The following MPRIP variants were observed in gnomAD, a reference collection of about 807,000 sequenced individuals.
The protein encoded by MPRIP is myosin phosphatase Rho interacting protein, also known as myosin phosphatase Rho-interacting protein.
A neutral mutation model predicts 234.9 loss-of-function variants in MPRIP; 59 were observed. The ratio of observed to expected loss-of-function variants is 0.25; its 90% confidence interval spans 0.20 to 0.31. The LOEUF (loss-of-function observed/expected upper bound fraction) is 0.31. Ranked by LOEUF, MPRIP falls within the 10% of genes least tolerant of loss-of-function variation. The pLI is 1.00. For missense variants in MPRIP, 2,436 were observed against 3,071.0 expected (o/e 0.79, Z 4.89); for synonymous variants, 1,144 against 1,263.9 (o/e 0.91, Z 2.01).
At chr17:17,055,941 G>A (rs933972018) in intron 1 of MPRIP, among the ~76,000 whole-genome samples, 32 of 152,318 alleles carry the variant, frequency 2.1e-4, no homozygotes, top group African/African-American at 7.7e-4. Context: ...TTAAGAGAAG[G>A]GTAGAGAGAG....
intron 4 of MPRIP, among the ~76,000 whole-genome samples, chr17:17,127,995 C>T (rs1013709575): frequency 1.3e-5 from 2 of 152,144 alleles, no homozygotes; most frequent in South Asian, 4.1e-4. Context: ...CACCTGGAGC[C>T]GAGCTGGAGG....
At position 17,165,250 on chromosome 17, in the gene MPRIP, C is replaced by T. The variant is rs1036940683; in HGVS notation, c.3659C>T (p.Ala1220Val). 1.5e-6 allele frequency: 2 copies of T among 1,304,094 alleles called. No individual in the cohort carries two copies. The highest frequency in any genetic ancestry group is 2.3e-5 in the Admixed American group (1 of 43,568). The allele number at this position is 1,304,094 out of a possible 1,614,324, so 80.8% of individuals were successfully genotyped here. A position where few individuals can be genotyped will look rare whatever the true frequency, so the allele number is the denominator to read the frequency against. The change falls in exon 16 of 24, where the codon GCA becomes GTA. Residue 1220 changes from alanine (A) to valine (V), a missense_variant. Around this residue, in one of 4 missense-constraint regions of MPRIP, gnomAD observed 1,998 missense variants for 2,520.3 expected, o/e 0.79. Transcript: ENST00000651222. ...QAKEEILRKF[A>V]SESPKDMEEP... ...AAAGAAGAGATTTTAAGGAAATTTG[C>T]AAGTGAATCTCCAAAGGACATGGAA... is the stretch of plus-strand genomic sequence containing the variant.
In MPRIP at chr17:17,138,132, G is replaced by A; in HGVS notation, c.953G>A (p.Gly318Asp). 7.0e-7 allele frequency: 1 copy of A among 1,432,454 alleles called. No individual in the cohort carries two copies. The highest frequency in any genetic ancestry group is 2.5e-5 in the East Asian group (1 of 40,028). 88.7% of individuals were successfully genotyped at this position (1,432,454 alleles called of 1,614,324 possible). A position where few individuals can be genotyped will look rare whatever the true frequency, so the allele number is the denominator to read the frequency against. The change falls in exon 7 of 24, where the codon GGT (glycine) becomes GAT (aspartate). Residue 318 changes from glycine to aspartate, a missense_variant. Transcript: ENST00000651222. The surrounding 1 kb of genome is among the most constrained non-coding windows in gnomAD (Gnocchi z 5.8). ...CTCGGTGGTCCTCTTCCTTCCCCAG[G>A]TCCTCGACTCCCCCACCAAATGGTC... ...QELGGPLPSPGPRLPHQMVCS... is the reference protein window; with the variant it reads ...QELGGPLPSPDPRLPHQMVCS...
At chr17:17,147,290 C>G (rs758709846) in intron 10 of MPRIP, 29 bp from the exon 11 acceptor site, 1 of 1,609,244 alleles carries the variant, frequency 6.2e-7, no homozygotes, top group African/African-American at 1.3e-5. Flanking sequence ...AGTTGGTAGT[C>G]GAGTCATTTT....
chr17:17,178,859 C>CA (rs2144700215), intron 22 of MPRIP: 1 of 151,800 alleles, frequency 6.6e-6, no homozygotes, highest in East Asian at 1.9e-4. Context: ...GTGGAAATGG[C>CA]AGTGAGCCAT....
chr17:17,110,299 G>A lies in MPRIP; in HGVS notation c.268-16403G>A, dbSNP rs992907418. Reference sequence around the variant, plus strand: ...ACTTTCCAGCCATCCAGAATTGTGAGCCAAATAACCCTCTTTTTCTTTATA... The same window carrying A: ...ACTTTCCAGCCATCCAGAATTGTGAACCAAATAACCCTCTTTTTCTTTATA... On this transcript the variant is annotated intron_variant, in intron 3 of 23. Coordinates refer to ENST00000651222, the MANE Select transcript of MPRIP (RefSeq NM_001364716.4). 4.6e-5 allele frequency among the ~76,000 whole-genome samples: 7 copies of A among 152,246 alleles called. No homozygotes were observed. In the South Asian group the frequency reaches 8.3e-4, roughly 18 times the overall value.
In MPRIP at chr17:17,158,766, G is replaced by T; in HGVS notation, c.2164G>T (p.Gly722Trp). The T allele has an allele frequency of 6.2e-7, 1 of 1,611,668 alleles. No individual in the cohort carries two copies. The highest frequency in any genetic ancestry group is 8.5e-7 in the Non-Finnish European group (1 of 1,179,886). Residue 722 changes from glycine (G) to tryptophan (W), a missense_variant, in exon 14 of 24, where the codon GGG becomes TGG. Gly to Trp is a radical substitution (Grantham distance 184). Transcript: ENST00000651222. Reference protein sequence around the residue: ...KRFGMLDATDGPGTEDAALRM... With the variant: ...KRFGMLDATDWPGTEDAALRM... ...CTTCGGGATGCTCGACGCCACAGAC[G>T]GGCCAGGCACTGAGGATGCAGCCCT...
chr17:17,159,284 C>A (rs2045810460), intron 14 of MPRIP, among the ~76,000 whole-genome samples: 1 of 152,242 alleles, frequency 6.6e-6, no homozygotes, highest in African/African-American at 2.4e-5. Context: ...AGCGGCGTTG[C>A]AGGGCCTAGA....
At chr17:17,097,775 A>C (rs2089878777) in intron 3 of MPRIP, among the ~76,000 whole-genome samples, 1 of 152,190 alleles carries the variant, frequency 6.6e-6, no homozygotes, top group Non-Finnish European at 1.5e-5. Context: ...GGAGGCACCC[A>C]GGGTCTCTCA....
At chr17:17,095,753 C>G (rs2089823911) in intron 3 of MPRIP, among the ~76,000 whole-genome samples, 1 of 152,118 alleles carries the variant, frequency 6.6e-6, no homozygotes, top group African/African-American at 2.4e-5. Flanking sequence ...TGTACGGGTG[C>G]TGATCAGTTC....
At chr17:17,082,344 G>A (rs543955496) in intron 3 of MPRIP, among the ~76,000 whole-genome samples, 3 of 126,882 alleles carry the variant, frequency 2.4e-5, no homozygotes, top group Non-Finnish European at 4.6e-5. Flanking sequence ...TGCCCAGGCT[G>A]GAGTGCAATG....
intron 1 of MPRIP, among the ~76,000 whole-genome samples, chr17:17,053,227 C>T (rs983389895): frequency 2.6e-5 from 4 of 151,998 alleles, no homozygotes; most frequent in Non-Finnish European, 4.4e-5. Flanking sequence ...GGAATGGTGG[C>T]GAGCCCAGAT....
At chr17:17,153,667 A>T (rs1404411682) in intron 12 of MPRIP, among the ~76,000 whole-genome samples, 1 of 151,242 alleles carries the variant, frequency 6.6e-6, no homozygotes, top group African/African-American at 2.4e-5. Context: ...CAACCCAACC[A>T]GCCAGACGCT....
At chr17:17,075,667 G>C in intron 1 of MPRIP, 43 bp from the exon 2 acceptor site, 1 of 1,548,354 alleles carries the variant, frequency 6.5e-7, no homozygotes, top group Non-Finnish European at 8.9e-7. Flanking sequence ...CTCTCTTCTG[G>C]GTTGAAGGCT....
At chr17:17,156,270 G>A (rs760897457) in intron 13 of MPRIP, among the ~76,000 whole-genome samples, 30 of 152,378 alleles carry the variant, frequency 2.0e-4, no homozygotes, top group Non-Finnish European at 3.8e-4. Flanking sequence ...GCGTGCAGGG[G>A]CTATGGGCCC....
At chr17:17,149,082 T>A (rs1333573939) in intron 11 of MPRIP, among the ~76,000 whole-genome samples, 1 of 152,246 alleles carries the variant, frequency 6.6e-6, no homozygotes, top group Non-Finnish European at 1.5e-5. Context: ...TGGGTTTTAA[T>A]GTAACACAGT....
chr17:17,190,207 AT>A lies in MPRIP; in HGVS notation c.*5318del. The stretch of plus-strand genomic sequence containing the variant: ...CACTTTAAAGATGTAAACTCAGTAG[AT>A]TTTTCATCCAGTGAACGGTCATCTT... On this transcript the variant is annotated 3_prime_UTR_variant, in exon 24 of 24. Transcript: ENST00000651222. 1 of 152,286 alleles carries A rather than the reference AT, an allele frequency of 6.6e-6. No homozygotes were observed. The highest frequency in any genetic ancestry group is 1.5e-5 in the Non-Finnish European group (1 of 68,050). The allele number at this position is 152,286 out of a possible 1,614,324, so 9.4% of individuals were successfully genotyped here. A position where few individuals can be genotyped will look rare whatever the true frequency, so the allele number is the denominator to read the frequency against.
At chr17:17,143,979 G>A (rs1203643839) in intron 9 of MPRIP, among the ~76,000 whole-genome samples, 2 of 152,206 alleles carry the variant, frequency 1.3e-5, no homozygotes, top group Admixed American at 1.3e-4. Flanking sequence ...GGGACCCTCC[G>A]CTCCTCTGGC....
intron 1 of MPRIP, among the ~76,000 whole-genome samples, chr17:17,050,558 C>G (rs966084952): frequency 1.3e-5 from 2 of 152,202 alleles, no homozygotes; most frequent in African/African-American, 4.8e-5. Context: ...TCCTCCGTCC[C>G]TCCCTTGGGC....
Sources: allele counts gnomAD v4.1 joint callset (sites outside exome capture counted in the v4.1 genomes callset), GRCh38; gene constraint gnomAD v4.1.1; regional missense constraint gnomAD v4.1.1; non-coding constraint Gnocchi (gnomAD v3.1); transcripts MANE v1.5; gene names NCBI Gene and HGNC (gene_info 2026-07-23, HGNC 2026-07-21).